GIGYF2: variants seen among roughly 807,000 people sequenced by gnomAD.
GIGYF2 encodes the protein GRB10-interacting GYF protein 2.
Under a neutral mutation model 208.1 loss-of-function variants are expected in GIGYF2, and 25 were observed. That is an observed-to-expected ratio of 0.12 (90% confidence interval 0.09 to 0.17). The LOEUF is 0.17. Ranked by LOEUF, GIGYF2 falls within the 10% of genes least tolerant of loss-of-function variation. GIGYF2 has a pLI of 1.00. For synonymous variants in GIGYF2, 534 were observed against 543.8 expected, an observed-to-expected ratio of 0.98 and a Z score of 0.25; for missense variants, 1,302 against 1,579.4, an observed-to-expected ratio of 0.82 and a Z score of 2.98.
At chr2:232,727,792 T>C (rs1342608737) in intron 2 of GIGYF2, among the ~76,000 whole-genome samples, 2 of 152,190 alleles carry the variant, frequency 1.3e-5, no homozygotes, top group African/African-American at 4.8e-5. Flanking sequence ...TTCACTTCCG[T>C]TAAATCTGTC....
chr2:232,839,758 C>G, intron 22 of GIGYF2, 91 bp from the exon 23 acceptor site: 1 of 1,263,532 alleles, frequency 7.9e-7, no homozygotes. Flanking sequence ...GAGAGAAATG[C>G]ATTTGTTCTG....
rs115870532 is a variant in GIGYF2 at position 232,785,968 on chromosome 2, A to G, written c.533-1182A>G. 5.2e-3 allele frequency among the ~76,000 whole-genome samples: 785 copies of G among 152,318 alleles called. 4 individuals carry two copies. The highest frequency in any genetic ancestry group is 0.018 in the African/African-American group (760 of 41,562). On this transcript the variant is annotated intron_variant, in intron 8 of 28. Transcript: ENST00000373563. Reference sequence around the variant, plus strand: ...CAATGTATGTTATTCTGGATTTTCAACTATTTTGATGTGAGATTTTATAAA... The same window carrying G: ...CAATGTATGTTATTCTGGATTTTCAGCTATTTTGATGTGAGATTTTATAAA...
chr2:232,820,274 G>A (rs893716308), intron 21 of GIGYF2, among the ~76,000 whole-genome samples: 2 of 151,512 alleles, frequency 1.3e-5, no homozygotes, highest in African/African-American at 4.8e-5. Flanking sequence ...AACTAAAGCG[G>A]AATAGTACAA....
At chr2:232,818,404 T>G (rs957044815) in intron 20 of GIGYF2, among the ~76,000 whole-genome samples, 2 of 152,208 alleles carry the variant, frequency 1.3e-5, no homozygotes, top group Non-Finnish European at 2.9e-5. Flanking sequence ...TTGAAGAAAT[T>G]TAGACAGAAA....
chr2:232,709,170 G>A (rs1375834326), intron 2 of GIGYF2, among the ~76,000 whole-genome samples: 1 of 152,132 alleles, frequency 6.6e-6, no homozygotes, highest in Non-Finnish European at 1.5e-5. Context: ...AGACAGGTTA[G>A]CCTTTTGGAG....
In GIGYF2 at chr2:232,790,773, A is replaced by G; in HGVS notation, c.788A>G (p.Asp263Gly). 2 of 1,614,114 alleles carry G rather than the reference A, an allele frequency of 1.2e-6. No individual in the cohort carries two copies. Among genetic ancestry groups the G allele is most frequent in the Non-Finnish European group, 1.7e-6 (2 of 1,179,998 alleles). ...RRFEFDFRDR[D>G]DERGYRRVRS... ...TTTGAGTTTGATTTTCGAGATAGAG[A>G]TGATGAACGGGGTTACCGAAGGGTT... The change falls in exon 10 of 29, where the codon GAT becomes GGT. Residue 263 changes from aspartate to glycine, a missense_variant. By Grantham distance (94) the Asp-to-Gly change is moderately conservative. Coordinates refer to ENST00000373563, the MANE Select transcript of GIGYF2 (RefSeq NM_001103146.3).
intron 21 of GIGYF2, among the ~76,000 whole-genome samples, chr2:232,832,202 T>G (rs1283698964): frequency 7.2e-5 from 11 of 152,156 alleles, no homozygotes; most frequent in Non-Finnish European, 1.6e-4. Context: ...GAATATGATA[T>G]GGGTAAGACA....
At chr2:232,751,402 A>G (rs1345082917) in intron 5 of GIGYF2, among the ~76,000 whole-genome samples, 1 of 151,970 alleles carries the variant, frequency 6.6e-6, no homozygotes, top group African/African-American at 2.4e-5. Flanking sequence ...TTTAGTAGAG[A>G]CAGGGTTTCA....
chr2:232,730,723 C>A (rs1358512627), intron 2 of GIGYF2, among the ~76,000 whole-genome samples: 7 of 148,958 alleles, frequency 4.7e-5, no homozygotes, highest in Admixed American at 1.3e-4. Context: ...ATGGTGAAAC[C>A]CCGTCTCTAC....
intron 26 of GIGYF2, 114 bp downstream of exon 26, chr2:232,846,000 A>G: frequency 5.4e-6 from 4 of 740,652 alleles, no homozygotes; most frequent in Non-Finnish European, 9.7e-6. Flanking sequence ...AAGGAGGTCA[A>G]CTGCTGCACC....
At chr2:232,818,545 T>C (rs182319838) in intron 20 of GIGYF2, among the ~76,000 whole-genome samples, 46 of 152,262 alleles carry the variant, frequency 3.0e-4, no homozygotes, top group Non-Finnish European at 6.3e-4. Flanking sequence ...GTTTCCCCCA[T>C]TGTGTGTTTG....
chr2:232,719,021 C>CT (rs1378099699), intron 2 of GIGYF2: 1 of 149,724 alleles, frequency 6.7e-6, no homozygotes, highest in Non-Finnish European at 1.5e-5. Context: ...GAGACGGAGT[C>CT]TCGCTTTGTT....
chr2:232,750,241 C>G (rs913206134), intron 5 of GIGYF2, among the ~76,000 whole-genome samples: 7 of 151,882 alleles, frequency 4.6e-5, no homozygotes, highest in Non-Finnish European at 1.0e-4. Context: ...CTTCTGTACA[C>G]TTGGTACAAA....
intron 2 of GIGYF2, among the ~76,000 whole-genome samples, chr2:232,718,771 TC>T (rs1212295555): frequency 1.3e-5 from 2 of 152,186 alleles, no homozygotes; most frequent in Admixed American, 6.5e-5. Context: ...AACTACTGAT[TC>T]GTTTAGTATA....
At chr2:232,851,466 C>G (rs993277003) in intron 28 of GIGYF2, among the ~76,000 whole-genome samples, 1 of 151,860 alleles carries the variant, frequency 6.6e-6, no homozygotes, top group Non-Finnish European at 1.5e-5. Context: ...CTTGCTCAGG[C>G]TGGAGTGCAG....
chr2:232,721,677 T>C (rs1484713352), intron 2 of GIGYF2, among the ~76,000 whole-genome samples: 2 of 152,208 alleles, frequency 1.3e-5, no homozygotes, highest in Non-Finnish European at 2.9e-5. Flanking sequence ...TTTTTCTCTA[T>C]CTTTGTGCAA....
At chr2:232,851,396 A>G (rs1048891330) in intron 28 of GIGYF2, among the ~76,000 whole-genome samples, 1 of 152,112 alleles carries the variant, frequency 6.6e-6, no homozygotes, top group Non-Finnish European at 1.5e-5. Flanking sequence ...GTTTTTTGCA[A>G]CAGTGATGAA....
At chr2:232,733,141 C>T (rs1018214836) in intron 2 of GIGYF2, among the ~76,000 whole-genome samples, 6 of 151,868 alleles carry the variant, frequency 4.0e-5, no homozygotes, top group Non-Finnish European at 5.9e-5. Context: ...CCTGTAGTCC[C>T]AGCTACTCGG....
chr2:232,807,209 A>T (rs1700586639), intron 15 of GIGYF2, among the ~76,000 whole-genome samples: 1 of 152,152 alleles, frequency 6.6e-6, no homozygotes, highest in South Asian at 2.1e-4. Flanking sequence ...AAAATTAGTT[A>T]CTGGTATTTT....
Sources: gnomAD v4.1 joint callset for allele counts (sites outside exome capture counted in the v4.1 genomes callset) on GRCh38, gnomAD v4.1.1 for gene constraint, MANE v1.5 for transcripts, NCBI Gene and HGNC (gene_info 2026-07-23, HGNC 2026-07-21) for gene names.